Variants in UTRN observed in about 807,000 individuals in gnomAD.
UTRN encodes utrophin.
In UTRN, 283 loss-of-function variants were observed where a neutral mutation model predicts 463.9. That is an observed-to-expected ratio of 0.61 (90% CI 0.55 to 0.67). The LOEUF (loss-of-function observed/expected upper bound fraction) is 0.67. UTRN is among the 30% of genes least tolerant of loss of function. The probability of loss-of-function intolerance (pLI) is 0.00; values close to 1 mark genes in which losing one functional copy is unlikely to be tolerated. For missense variants in UTRN, 3,922 were observed against 4,084.3 expected, an observed-to-expected ratio of 0.96 and a Z score of 1.08; for synonymous variants, 1,442 against 1,431.5, an observed-to-expected ratio of 1.01 and a Z score of -0.17.
chr6:144,492,569 A>G (rs992560810), intron 32 of UTRN, among the ~76,000 whole-genome samples: 1 of 152,188 alleles, frequency 6.6e-6, no homozygotes, highest in Non-Finnish European at 1.5e-5. Flanking sequence ...TAATAATTCT[A>G]TGTTTAGTTC....
At chr6:144,720,008 T>C (rs1307634540) in intron 53 of UTRN, among the ~76,000 whole-genome samples, 1 of 152,258 alleles carries the variant, frequency 6.6e-6, no homozygotes, top group East Asian at 1.9e-4. Flanking sequence ...TTTGCTTTTC[T>C]CTGTTCTTAG....
intron 52 of UTRN, among the ~76,000 whole-genome samples, chr6:144,692,732 T>G (rs1257785013): frequency 6.6e-6 from 1 of 152,210 alleles, no homozygotes; most frequent in Non-Finnish European, 1.5e-5. Context: ...TGCCCACTTT[T>G]TATGGTGTTT....
intron 4 of UTRN, 35 bp from the exon 5 acceptor site, chr6:144,423,514 A>G: frequency 6.2e-7 from 1 of 1,603,746 alleles, no homozygotes; most frequent in Non-Finnish European, 8.5e-7. Flanking sequence ...TGGAGGGACA[A>G]TCAGTTTTAC....
intron 51 of UTRN, among the ~76,000 whole-genome samples, chr6:144,656,039 C>A (rs962390684): frequency 1.3e-5 from 2 of 151,958 alleles, no homozygotes; most frequent in Admixed American, 6.6e-5. Context: ...GGTTCTGGAA[C>A]TTTTTGCTTT....
At chr6:144,557,749 A>G (rs1799520292) in intron 50 of UTRN, among the ~76,000 whole-genome samples, 2 of 152,130 alleles carry the variant, frequency 1.3e-5, no homozygotes, top group Admixed American at 6.6e-5. Context: ...TGGATCCAAC[A>G]CTAGATCCCT....
At chr6:144,479,062 A>G (rs1025757038) in intron 25 of UTRN, among the ~76,000 whole-genome samples, 4 of 150,920 alleles carry the variant, frequency 2.7e-5, no homozygotes, top group African/African-American at 4.9e-5. Context: ...TGAAATCTTA[A>G]TGGGAAGTGC....
intron 11 of UTRN, 76 bp from the exon 12 acceptor site, chr6:144,438,669 C>A: frequency 3.2e-6 from 5 of 1,573,732 alleles, no homozygotes; most frequent in Non-Finnish European, 4.3e-6. Context: ...CCCTGTATCT[C>A]CGGTGCCCAG....
At chr6:144,511,991 A>G (rs930707795) in intron 35 of UTRN, among the ~76,000 whole-genome samples, 6 of 152,128 alleles carry the variant, frequency 3.9e-5, no homozygotes, top group African/African-American at 9.7e-5. Context: ...GTGTTTGAAT[A>G]TTTATTTAAA....
rs558584968 is a variant in UTRN, at chr6:144,797,013, T to C, written c.9079-811T>C. 7.9e-5 allele frequency among the ~76,000 whole-genome samples: 12 copies of C among 152,266 alleles called. No individual in the cohort carries two copies. The South Asian group carries it at 2.5e-3, about 32-fold the overall frequency. ...AGAGGGATTGGGGAGTTTTATGTAA[T>C]TTATCCTGATAAATTCTGCAAAGTA... On this transcript the variant is annotated intron_variant, in intron 63 of 74. Coordinates refer to ENST00000367545, the MANE Select transcript of UTRN (RefSeq NM_007124.3).
chr6:144,658,579 A>AT, intron 51 of UTRN, among the ~76,000 whole-genome samples: 1 of 152,332 alleles, frequency 6.6e-6, no homozygotes, highest in East Asian at 1.9e-4. Flanking sequence ...ATGCAAAAAA[A>AT]GTAAACTTAC....
At chr6:144,441,723 A>G (rs1253030947) in intron 13 of UTRN, among the ~76,000 whole-genome samples, 1 of 152,206 alleles carries the variant, frequency 6.6e-6, no homozygotes, top group Non-Finnish European at 1.5e-5. Flanking sequence ...CTGCCCTAGC[A>G]GAGGTTCTCC....
intron 41 of UTRN, among the ~76,000 whole-genome samples, chr6:144,530,760 G>T (rs1174187057): frequency 6.6e-6 from 1 of 152,010 alleles, no homozygotes; most frequent in African/African-American, 2.4e-5. Flanking sequence ...GTGTGTATGT[G>T]AGTGTGCATG....
chr6:144,676,607 T>C (rs757605017), intron 51 of UTRN, among the ~76,000 whole-genome samples: 8 of 151,984 alleles, frequency 5.3e-5, no homozygotes, highest in Non-Finnish European at 1.2e-4. Flanking sequence ...ACATGTGCCA[T>C]GTTGGTTTGT....
intron 51 of UTRN, among the ~76,000 whole-genome samples, chr6:144,605,708 G>C (rs1239444437): frequency 8.3e-6 from 1 of 120,400 alleles, no homozygotes; most frequent in Non-Finnish European, 1.7e-5. Context: ...TTCATGTTTT[G>C]TATCTAACAA....
intron 19 of UTRN, among the ~76,000 whole-genome samples, chr6:144,454,214 A>G (rs1305517174): frequency 6.6e-6 from 1 of 152,142 alleles, no homozygotes; most frequent in Non-Finnish European, 1.5e-5. Context: ...AGCAAAAGAA[A>G]ACTTTACTTG....
chr6:144,308,090 T>C (rs932484737), intron 2 of UTRN, among the ~76,000 whole-genome samples: 3 of 152,126 alleles, frequency 2.0e-5, no homozygotes, highest in African/African-American at 7.2e-5. Context: ...CTCAACCTAA[T>C]TGGTGAGATG....
At chr6:144,622,043 T>C (rs911958438) in intron 51 of UTRN, among the ~76,000 whole-genome samples, 1 of 152,058 alleles carries the variant, frequency 6.6e-6, no homozygotes, top group Non-Finnish European at 1.5e-5. Flanking sequence ...TCGTGACATG[T>C]TTTATCACAT....
At chr6:144,554,600 T>C in intron 48 of UTRN, 88 bp from the exon 49 acceptor site, 1 of 1,405,626 alleles carries the variant, frequency 7.1e-7, no homozygotes, top group Non-Finnish European at 9.7e-7. Flanking sequence ...TATAGACTTA[T>C]TTGTGATACA....
intron 53 of UTRN, among the ~76,000 whole-genome samples, chr6:144,724,597 C>T (rs547138663): frequency 3.9e-5 from 6 of 152,204 alleles, no homozygotes; most frequent in African/African-American, 1.4e-4. Context: ...CCCCTCCCTC[C>T]CCAGTTCCCC....
Sources: allele counts gnomAD v4.1 joint callset (sites outside exome capture counted in the v4.1 genomes callset), GRCh38; gene constraint gnomAD v4.1.1; transcripts MANE v1.5; gene names NCBI Gene and HGNC (gene_info 2026-07-23, HGNC 2026-07-21).